The following BANK1 variants were observed in gnomAD, a reference collection of about 807,000 sequenced individuals.
The protein encoded by BANK1 is B-cell scaffold protein with ankyrin repeats.
BANK1 carries 95 observed loss-of-function variants against 94.5 expected under a neutral mutation model. The ratio of observed to expected loss-of-function variants is 1.00; its 90% CI spans 0.85 to 1.19. The LOEUF is 1.19. BANK1 is among the 50% of genes most tolerant of loss of function. BANK1 has a pLI of 0.00. For missense variants in BANK1, 987 were observed against 932.2 expected, an observed-to-expected ratio of 1.06 and a Z score of -0.77; for synonymous variants, 334 against 308.4, an observed-to-expected ratio of 1.08 and a Z score of -0.87.
At chr4:102,032,263 C>T (rs192841622) in intron 10 of BANK1, 3 of 152,226 alleles carry the variant, frequency 2.0e-5, no homozygotes, top group African/African-American at 7.2e-5. Flanking sequence ...AATGGAATCC[C>T]ATGTTGTGTT....
chr4:102,021,474 TAA>T, intron 7 of BANK1, 38 bp from the exon 8 acceptor site: 1 of 889,482 alleles, frequency 1.1e-6, no homozygotes, highest in Non-Finnish European at 1.7e-6. Context: ...GCATATTTAT[TAA>T]GATTAATGCA....
intron 7 of BANK1, among the ~76,000 whole-genome samples, chr4:101,940,569 T>C (rs1723707555): frequency 6.6e-6 from 1 of 151,796 alleles, no homozygotes; most frequent in Admixed American, 6.6e-5. Flanking sequence ...TTTACACTCC[T>C]TTTGTCTGTG....
At chr4:101,936,030 C>G (rs1194485605) in intron 7 of BANK1, among the ~76,000 whole-genome samples, 1 of 151,238 alleles carries the variant, frequency 6.6e-6, no homozygotes, top group African/African-American at 2.4e-5. Context: ...AAACCCCGCA[C>G]AGACAAACAA....
intron 2 of BANK1, among the ~76,000 whole-genome samples, chr4:101,848,322 G>GC (rs756904257): frequency 6.6e-6 from 1 of 152,126 alleles, no homozygotes; most frequent in Non-Finnish European, 1.5e-5. Flanking sequence ...CACAATGCGA[G>GC]CCCCCGCTTG....
chr4:102,025,851 C>T (rs552439962), intron 9 of BANK1, among the ~76,000 whole-genome samples: 2 of 152,182 alleles, frequency 1.3e-5, no homozygotes, highest in South Asian at 2.1e-4. Flanking sequence ...TGGAAGGAGT[C>T]TGTAGTTCTT....
intron 7 of BANK1, among the ~76,000 whole-genome samples, chr4:102,017,067 A>G (rs979645490): frequency 6.6e-6 from 1 of 152,210 alleles, no homozygotes; most frequent in African/African-American, 2.4e-5. Flanking sequence ...AATTATTACA[A>G]GTTTTAGTGT....
intron 10 of BANK1, among the ~76,000 whole-genome samples, chr4:102,036,494 G>GGATA (rs1727518139): frequency 6.6e-6 from 1 of 152,136 alleles, no homozygotes; most frequent in Admixed American, 6.5e-5. Flanking sequence ...CCTCCTCCCT[G>GGATA]GATAGGTGAC....
chr4:102,007,056 A>AT (rs1560681765), intron 7 of BANK1, among the ~76,000 whole-genome samples: 18 of 120,632 alleles, frequency 1.5e-4, no homozygotes, highest in Non-Finnish European at 2.6e-4. Flanking sequence ...TATATATATA[A>AT]AATATATAAT....
intron 5 of BANK1, among the ~76,000 whole-genome samples, chr4:101,885,183 C>G (rs1319029647): frequency 6.6e-6 from 1 of 152,250 alleles, no homozygotes; most frequent in Non-Finnish European, 1.5e-5. Flanking sequence ...TCCCAAAGTG[C>G]TGGGATTACA....
At chr4:101,868,252 A>T (rs760545901) in intron 4 of BANK1, among the ~76,000 whole-genome samples, 23 of 152,026 alleles carry the variant, frequency 1.5e-4, no homozygotes, top group Non-Finnish European at 2.8e-4. Flanking sequence ...AATATTAATG[A>T]CAGAGATCAA....
intron 7 of BANK1, among the ~76,000 whole-genome samples, chr4:102,012,088 A>G (rs1373560035): frequency 1.3e-5 from 2 of 152,206 alleles, no homozygotes; most frequent in Non-Finnish European, 2.9e-5. Context: ...GCTTAATGAT[A>G]CATGCATTCT....
intron 7 of BANK1, among the ~76,000 whole-genome samples, chr4:101,945,861 A>AC (rs1207423787): frequency 6.6e-6 from 1 of 151,766 alleles, no homozygotes; most frequent in African/African-American, 2.4e-5. Context: ...TATACTACAT[A>AC]CCCCCCAATC....
intron 7 of BANK1, among the ~76,000 whole-genome samples, chr4:101,950,720 T>G (rs1340463831): frequency 6.6e-6 from 1 of 152,294 alleles, no homozygotes; most frequent in East Asian, 1.9e-4. Flanking sequence ...GAGACCACCT[T>G]CACAGTGGAA....
chr4:101,902,595 G>A (rs768381998), intron 6 of BANK1, among the ~76,000 whole-genome samples: 1 of 152,048 alleles, frequency 6.6e-6, no homozygotes, highest in Non-Finnish European at 1.5e-5. Flanking sequence ...ATTTACAAAG[G>A]TCTGTGCTGT....
In BANK1 at chr4:101,880,334, A is replaced by G. The variant is rs182380593; in HGVS notation, c.903+9690A>G. On this transcript the variant is annotated intron_variant, in intron 5 of 16. Coordinates refer to ENST00000322953, the MANE Select transcript of BANK1 (RefSeq NM_017935.5). Reference sequence around the variant, plus strand: ...CAAGAAATAAAAAAAAGTCCCATTTACTGTAGCCACAAATAAAATTAAGTA... The same window carrying G: ...CAAGAAATAAAAAAAAGTCCCATTTGCTGTAGCCACAAATAAAATTAAGTA... Among the ~76,000 whole-genome samples the G allele has an allele frequency of 4.2e-3, 636 of 152,176 alleles. 1 individual carries two copies. Among genetic ancestry groups the G allele is most frequent in the Non-Finnish European group, 6.3e-3 (429 of 67,942 alleles).
intron 7 of BANK1, among the ~76,000 whole-genome samples, chr4:101,947,224 A>T (rs1333844211): frequency 6.7e-6 from 1 of 149,258 alleles, no homozygotes; most frequent in Non-Finnish European, 1.5e-5. Flanking sequence ...AGAGAACCCT[A>T]TAAAAATTAA....
At chr4:101,889,045 G>A (rs908678468) in intron 5 of BANK1, among the ~76,000 whole-genome samples, 2 of 152,052 alleles carry the variant, frequency 1.3e-5, no homozygotes, top group Non-Finnish European at 2.9e-5. Context: ...TAAATATTTG[G>A]GGGGATCGTT....
In BANK1 at chr4:101,997,770, C is replaced by G. The variant is rs181822846; in HGVS notation, c.1207-23744C>G. 8.6e-5 allele frequency among the ~76,000 whole-genome samples: 13 copies of G among 151,882 alleles called. No homozygotes were observed. The East Asian group carries it at 2.5e-3, about 29-fold the overall frequency. Reference sequence around the variant, plus strand: ...TTTCTGTGGGATCAGTGGTAATATCCCCTTTGTCATTTTTGATTGTGTCTA... The same window carrying G: ...TTTCTGTGGGATCAGTGGTAATATCGCCTTTGTCATTTTTGATTGTGTCTA... On this transcript the variant is annotated intron_variant, in intron 7 of 16. Coordinates refer to ENST00000322953, the MANE Select transcript of BANK1 (RefSeq NM_017935.5).
chr4:101,995,063 A>G (rs557581807), intron 7 of BANK1, among the ~76,000 whole-genome samples: 36 of 152,152 alleles, frequency 2.4e-4, no homozygotes, highest in Middle Eastern at 6.8e-3. Context: ...CCCGTCATCT[A>G]CATTAGGTAT....
Sources: gnomAD v4.1 joint callset for allele counts (sites outside exome capture counted in the v4.1 genomes callset) on GRCh38, gnomAD v4.1.1 for gene constraint, MANE v1.5 for transcripts, NCBI Gene and HGNC (gene_info 2026-07-23, HGNC 2026-07-21) for gene names.